DLG5: variants seen among roughly 807,000 people sequenced by gnomAD.
DLG5 encodes the protein disks large homolog 5.
DLG5 carries 48 observed loss-of-function variants against 189.8 expected under a neutral mutation model. That is an observed-to-expected ratio of 0.25 (90% confidence interval 0.20 to 0.32). The LOEUF (loss-of-function observed/expected upper bound fraction) is 0.32. Ranked by LOEUF, DLG5 falls within the 10% of genes least tolerant of loss-of-function variation. The pLI, the probability that DLG5 is intolerant of heterozygous loss-of-function variation, is 1.00. For missense variants in DLG5, 2,160 were observed against 2,544.7 expected, an observed-to-expected ratio of 0.85 and a Z score of 3.25; for synonymous variants, 1,016 against 1,054.1, an observed-to-expected ratio of 0.96 and a Z score of 0.70.
upstream of DLG5, among the ~76,000 whole-genome samples, chr10:77,930,842 C>T (rs1343577784): frequency 2.2e-5 from 2 of 92,274 alleles, no homozygotes; most frequent in Non-Finnish European, 4.1e-5. Context: ...TTTTTTGAGA[C>T]GGAATTTCAC....
In DLG5 at chr10:77,790,831, T is replaced by C. The variant is rs922284877; in HGVS notation, c.*1609A>G. 1.3e-5 allele frequency: 2 copies of C among 152,270 alleles called. No homozygotes were observed. Among genetic ancestry groups the C allele is most frequent in the African/African-American group, 4.8e-5 (2 of 41,466 alleles). 9.4% of individuals were successfully genotyped at this position (152,270 alleles called of 1,614,324 possible). A position where few individuals can be genotyped will look rare whatever the true frequency, so the allele number is the denominator to read the frequency against. On this transcript the variant is annotated 3_prime_UTR_variant, in exon 32 of 32. Transcript: ENST00000372391. ...TTTATTTGTTGTACTAAAGCCTGTTTAACTTTTGATACAAAGTAACATTTT... is the reference window on the plus strand; with the variant it reads ...TTTATTTGTTGTACTAAAGCCTGTTCAACTTTTGATACAAAGTAACATTTT...
the DLG5 span, among the ~76,000 whole-genome samples, chr10:77,934,852 GTTTTTTTGT>G: frequency 3.5e-5 from 3 of 85,266 alleles, no homozygotes; most frequent in African/African-American, 1.0e-4. Context: ...CTTTTTTTTT[GTTTTTTTGT>G]TTTTTTTTTT....
At chr10:77,909,592 G>A (rs1300504536) in intron 1 of DLG5, among the ~76,000 whole-genome samples, 3 of 152,090 alleles carry the variant, frequency 2.0e-5, no homozygotes, top group East Asian at 1.9e-4. Flanking sequence ...GCTGGTCACC[G>A]TTTTGTTCTC....
intron 1 of DLG5, among the ~76,000 whole-genome samples, chr10:77,894,436 A>G (rs949501855): frequency 1.3e-5 from 2 of 152,038 alleles, no homozygotes; most frequent in Non-Finnish European, 2.9e-5. Flanking sequence ...TCCCCAGCAC[A>G]ATGTTAATAG....
At position 77,796,582 on chromosome 10, in the gene DLG5, A is replaced by G; in HGVS notation, c.5177T>C (p.Leu1726Pro). 6.2e-7 allele frequency: 1 copy of G among 1,613,980 alleles called. No individual in the cohort carries two copies. The highest frequency in any genetic ancestry group is 8.5e-7 in the Non-Finnish European group (1 of 1,179,964). ...SIPLFEDSVSLAYQRVQKVDC... is the reference protein window; with the variant it reads ...SIPLFEDSVSPAYQRVQKVDC... ...CACCTTCTGGACCCGCTGATAGGCC[A>G]GGCTCACCGAATCTGAGGGAGAGAG... Residue 1726 changes from leucine (L) to proline (P), a missense_variant, in exon 28 of 32, where the codon CTG becomes CCG. By Grantham distance (98) the Leu-to-Pro change is moderately conservative (BLOSUM62 -3). This residue lies in a region of DLG5 where 574 missense variants were observed against 644.2 expected (regional missense o/e 0.89). Transcript: ENST00000372391. The surrounding 1 kb of genome is among the most constrained non-coding windows in gnomAD (Gnocchi z 5.2).
intron 20 of DLG5, chr10:77,816,064 G>A: frequency 2.2e-6 from 1 of 458,078 alleles, no homozygotes; most frequent in Admixed American, 2.4e-5. Context: ...TTTCACAACA[G>A]AAAGCTTCGA....
chr10:77,904,319 G>A (rs1846013161), intron 1 of DLG5, among the ~76,000 whole-genome samples: 2 of 151,348 alleles, frequency 1.3e-5, no homozygotes, highest in Non-Finnish European at 1.5e-5. Context: ...ATAGGCGGAA[G>A]GGACTTGCCT....
At chr10:77,835,649 T>A (rs1843090701) in intron 8 of DLG5, 89 bp downstream of exon 8, 1 of 1,372,044 alleles carries the variant, frequency 7.3e-7, no homozygotes, top group African/African-American at 1.4e-5. Context: ...GGACATACAG[T>A]AAATGATTCC....
rs372045536 is a variant in DLG5 at position 77,796,371 on chromosome 10, T to C, written c.5308+80A>G. On this transcript the variant is annotated intron_variant, in intron 28 of 31. Coordinates refer to ENST00000372391, the MANE Select transcript of DLG5 (RefSeq NM_004747.4). This position sits in a 1 kb window ranked among gnomAD's most constrained non-coding sequence, Gnocchi z 5.2. ...TGCCCCCCGGTACTGCCACCCACTG[T>C]GCACAGCTGGGCAGGCAGGTGGACA... 56 of 1,608,612 alleles carry C rather than the reference T, an allele frequency of 3.5e-5. No homozygotes were observed. Among genetic ancestry groups the C allele is most frequent in the East Asian group, 2.7e-4 (12 of 44,826 alleles).
chr10:77,877,954 C>T (rs1845156511), intron 1 of DLG5, among the ~76,000 whole-genome samples: 1 of 152,228 alleles, frequency 6.6e-6, no homozygotes, highest in African/African-American at 2.4e-5. Context: ...GCCAAGCCTC[C>T]ATTATGCTCC....
At chr10:77,814,401 A>C (rs1841933273) in intron 20 of DLG5, among the ~76,000 whole-genome samples, 1 of 148,950 alleles carries the variant, frequency 6.7e-6, no homozygotes, top group African/African-American at 2.4e-5. Context: ...AACTATTAAA[A>C]ATAGCTAAAA....
At chr10:77,861,947 T>C (rs1421322385) in intron 2 of DLG5, among the ~76,000 whole-genome samples, 1 of 152,156 alleles carries the variant, frequency 6.6e-6, no homozygotes, top group Non-Finnish European at 1.5e-5. Context: ...AGCCGATGCC[T>C]CCGGCCTTTT....
chr10:77,871,528 G>A (rs71475687), intron 1 of DLG5, among the ~76,000 whole-genome samples: 1,791 of 137,910 alleles, frequency 0.013, 25 homozygotes, highest in Middle Eastern at 0.024. Context: ...AAAACAATAA[G>A]CATCACACTT....
At chr10:77,813,059 T>C (rs145391866) in intron 20 of DLG5, among the ~76,000 whole-genome samples, 2,108 of 152,256 alleles carry the variant, frequency 0.014, 25 homozygotes, top group Non-Finnish European at 0.022. Flanking sequence ...GGCAGAGACA[T>C]CTGGAAGGTG....
chr10:77,831,041 G>C (rs537104292), intron 9 of DLG5, among the ~76,000 whole-genome samples, 168 bp from the exon 10 acceptor site: 57 of 152,290 alleles, frequency 3.7e-4, no homozygotes, highest in African/African-American at 1.3e-3. Context: ...GGATATCTGT[G>C]AGTTTTCACA....
intron 27 of DLG5, 123 bp downstream of exon 27, chr10:77,805,542 C>A: frequency 8.6e-7 from 1 of 1,167,364 alleles, no homozygotes; most frequent in East Asian, 2.5e-5. Flanking sequence ...GAACACACAC[C>A]TTCAGACTTG....
chr10:77,793,180 G>C (rs1057448454), intron 31 of DLG5: 1 of 152,494 alleles, frequency 6.6e-6, no homozygotes, highest in African/African-American at 2.4e-5. Context: ...GCAAGACTTA[G>C]AGTTTTAAAT....
the DLG5 span, among the ~76,000 whole-genome samples, chr10:77,938,549 T>C: frequency 1.8e-4 from 28 of 152,318 alleles, no homozygotes; most frequent in Non-Finnish European, 2.9e-5. Flanking sequence ...ATAAGAACAC[T>C]TCCATTTTTC....
chr10:77,904,853 G>A (rs1846028218), intron 1 of DLG5, among the ~76,000 whole-genome samples: 1 of 149,626 alleles, frequency 6.7e-6, no homozygotes, highest in African/African-American at 2.5e-5. Flanking sequence ...CTCCGGCCGG[G>A]CGCGGTGGCT....
Sources: allele counts gnomAD v4.1 joint callset (sites outside exome capture counted in the v4.1 genomes callset), GRCh38; gene constraint gnomAD v4.1.1; regional missense constraint gnomAD v4.1.1; non-coding constraint Gnocchi (gnomAD v3.1); transcripts MANE v1.5; gene names NCBI Gene and HGNC (gene_info 2026-07-23, HGNC 2026-07-21).